ADGRL3: variants seen among roughly 807,000 people sequenced by gnomAD.
The protein encoded by ADGRL3 is calcium-independent alpha-latrotoxin receptor 3.
Under a neutral mutation model 153.5 loss-of-function variants are expected in ADGRL3, and 62 were observed. The observed-to-expected ratio is 0.40, with a 90% confidence interval of 0.33 to 0.50. ADGRL3 has a LOEUF of 0.50. ADGRL3 is among the 20% of genes least tolerant of loss of function. ADGRL3 has a pLI of 0.47. For missense variants in ADGRL3, 1,641 were observed against 1,859.4 expected (o/e 0.88, Z 2.16); for synonymous variants, 710 against 672.5 (o/e 1.06, Z -0.86).
chr4:62,051,117 G>A (rs1219553381), intron 25 of ADGRL3, among the ~76,000 whole-genome samples: 1 of 146,294 alleles, frequency 6.8e-6, no homozygotes, highest in Non-Finnish European at 1.5e-5. Flanking sequence ...CAAAGAATAT[G>A]TGTATATATA....
At chr4:61,364,484 CT>C (rs1350602370) in intron 1 of ADGRL3, among the ~76,000 whole-genome samples, 36 of 151,806 alleles carry the variant, frequency 2.4e-4, no homozygotes, top group African/African-American at 8.0e-4. Context: ...TTCTTCACTG[CT>C]TTCATTTTTT....
chr4:61,675,600 C>T (rs982396661), intron 5 of ADGRL3, among the ~76,000 whole-genome samples: 1 of 149,856 alleles, frequency 6.7e-6, no homozygotes, highest in Admixed American at 6.7e-5. Flanking sequence ...ACAAAAGTGC[C>T]CAAGTTTGTA....
intron 6 of ADGRL3, among the ~76,000 whole-genome samples, chr4:61,715,298 A>G (rs2096085054): frequency 6.6e-6 from 1 of 152,126 alleles, no homozygotes; most frequent in Admixed American, 6.6e-5. Context: ...CTTTCTTCCT[A>G]AGATTTATCT....
At chr4:62,025,750 G>C (rs1009720513) in intron 21 of ADGRL3, among the ~76,000 whole-genome samples, 2 of 152,040 alleles carry the variant, frequency 1.3e-5, no homozygotes, top group Non-Finnish European at 2.9e-5. Flanking sequence ...CTTAACATCT[G>C]CTAAGAACAT....
At chr4:61,376,866 T>TG (rs2096609530) in intron 1 of ADGRL3, among the ~76,000 whole-genome samples, 3 of 152,156 alleles carry the variant, frequency 2.0e-5, no homozygotes, top group Admixed American at 2.0e-4. Flanking sequence ...CGGCTAAACT[T>TG]GAAGAAGGAA....
intron 6 of ADGRL3, among the ~76,000 whole-genome samples, chr4:61,718,395 G>C (rs1215439364): frequency 2.0e-5 from 3 of 152,164 alleles, no homozygotes; most frequent in African/African-American, 7.2e-5. Context: ...TTTCACAGCA[G>C]TGAATGAAGC....
At chr4:61,662,776 G>C (rs2094645305) in intron 5 of ADGRL3, among the ~76,000 whole-genome samples, 1 of 152,202 alleles carries the variant, frequency 6.6e-6, no homozygotes, top group Admixed American at 6.5e-5. Context: ...TTCTGGCCAT[G>C]CATGGACCAA....
intron 5 of ADGRL3, among the ~76,000 whole-genome samples, chr4:61,636,524 A>T (rs771204304): frequency 9.2e-5 from 14 of 152,106 alleles, no homozygotes; most frequent in Admixed American, 2.6e-4. Context: ...TTTTAAAAAG[A>T]AGGTGAAATG....
chr4:61,822,761 G>C (rs902717286), intron 9 of ADGRL3, among the ~76,000 whole-genome samples: 1 of 151,998 alleles, frequency 6.6e-6, no homozygotes, highest in African/African-American at 2.4e-5. Context: ...AGTTTGTCCT[G>C]GTGGTCTCTA....
chr4:61,948,417 A>C (rs2098934164), intron 17 of ADGRL3, 141 bp downstream of exon 17: 4 of 569,484 alleles, frequency 7.0e-6, no homozygotes, highest in Non-Finnish European at 1.2e-5. Context: ...TCTGATGTTC[A>C]AACCATATCC....
At chr4:61,562,422 C>T (rs969558757) in intron 4 of ADGRL3, among the ~76,000 whole-genome samples, 1 of 152,184 alleles carries the variant, frequency 6.6e-6, no homozygotes, top group Non-Finnish European at 1.5e-5. Flanking sequence ...GGTTATTTGA[C>T]AGCATGTGAC....
intron 6 of ADGRL3, among the ~76,000 whole-genome samples, chr4:61,719,793 G>A (rs1208251175): frequency 2.6e-5 from 4 of 151,558 alleles, no homozygotes; most frequent in African/African-American, 9.7e-5. Flanking sequence ...AGTGGAGACT[G>A]GTTTTCATTA....
intron 8 of ADGRL3, among the ~76,000 whole-genome samples, chr4:61,756,005 CT>C (rs1355261022): frequency 6.6e-6 from 1 of 152,138 alleles, no homozygotes; most frequent in Non-Finnish European, 1.5e-5. Flanking sequence ...CAGTACCATG[CT>C]GTTTTGGTTA....
chr4:62,016,196 A>C (rs1273760722), intron 21 of ADGRL3, among the ~76,000 whole-genome samples: 1 of 151,846 alleles, frequency 6.6e-6, no homozygotes, highest in Non-Finnish European at 1.5e-5. Context: ...CTACAGGCAC[A>C]TACTACCATG....
chr4:61,790,121 T>C (rs2097324291), intron 8 of ADGRL3, among the ~76,000 whole-genome samples: 1 of 152,232 alleles, frequency 6.6e-6, no homozygotes, highest in South Asian at 2.1e-4. Flanking sequence ...AACTTTTCCT[T>C]GGTCACTACA....
At chr4:61,594,096 C>T (rs554289091) in intron 5 of ADGRL3, among the ~76,000 whole-genome samples, 14 of 152,218 alleles carry the variant, frequency 9.2e-5, no homozygotes, top group African/African-American at 3.1e-4. Context: ...GACTTTGAAG[C>T]GTTCTTCAGC....
intron 1 of ADGRL3, among the ~76,000 whole-genome samples, chr4:61,375,248 A>G (rs926709806): frequency 1.3e-5 from 2 of 152,152 alleles, no homozygotes; most frequent in African/African-American, 4.8e-5. Context: ...TAATAGTTCA[A>G]GATTAAACTC....
At chr4:61,722,378 C>G (rs2096257299) in intron 6 of ADGRL3, among the ~76,000 whole-genome samples, 1 of 152,040 alleles carries the variant, frequency 6.6e-6, no homozygotes, top group South Asian at 2.1e-4. Flanking sequence ...CAAAACCCAA[C>G]AAGACATTCC....
chr4:61,629,264 T>A (rs1397155953), intron 5 of ADGRL3, among the ~76,000 whole-genome samples: 2 of 152,152 alleles, frequency 1.3e-5, no homozygotes, highest in East Asian at 3.9e-4. Context: ...AAAATGTTTA[T>A]CTTCTTGGCA....
Sources: allele counts gnomAD v4.1 joint callset (sites outside exome capture counted in the v4.1 genomes callset), GRCh38; gene constraint gnomAD v4.1.1; transcripts MANE v1.5; gene names NCBI Gene and HGNC (gene_info 2026-07-23, HGNC 2026-07-21).